FLT3: variants seen among roughly 807,000 people sequenced by gnomAD.
The protein encoded by FLT3 is fms related receptor tyrosine kinase 3, also known as receptor-type tyrosine-protein kinase FLT3.
A neutral mutation model predicts 126.6 loss-of-function variants in FLT3; 46 were observed. That is an observed-to-expected ratio of 0.36 (90% confidence interval 0.29 to 0.46). FLT3 has a LOEUF of 0.46. FLT3 is among the 20% of genes least tolerant of loss of function. The probability of loss-of-function intolerance (pLI) is 1.00; values close to 1 mark genes in which losing one functional copy is unlikely to be tolerated. For missense variants in FLT3, 1,069 were observed against 1,190.3 expected, an observed-to-expected ratio of 0.90 and a Z score of 1.50; for synonymous variants, 404 against 434.4, an observed-to-expected ratio of 0.93 and a Z score of 0.87.
intron 1 of FLT3, among the ~76,000 whole-genome samples, chr13:28,098,289 TG>T (rs1267675717): frequency 2.3e-5 from 3 of 128,814 alleles, no homozygotes; most frequent in African/African-American, 9.3e-5. Context: ...CACTCCAGCC[TG>T]GGTGACAGAG....
At chr13:28,063,707 G>T (rs1876770361) in intron 2 of FLT3, among the ~76,000 whole-genome samples, 2 of 136,526 alleles carry the variant, frequency 1.5e-5, no homozygotes, top group Admixed American at 1.5e-4. Context: ...TATGATAAGT[G>T]CAAGACCATC....
chr13:28,087,145 C>G (rs915836597), intron 1 of FLT3, among the ~76,000 whole-genome samples: 1 of 152,180 alleles, frequency 6.6e-6, no homozygotes, highest in Non-Finnish European at 1.5e-5. Flanking sequence ...TCATAGCTCA[C>G]TACAGCCTTG....
intron 1 of FLT3, among the ~76,000 whole-genome samples, chr13:28,084,832 G>T (rs886191844): frequency 1.3e-5 from 2 of 151,866 alleles, no homozygotes; most frequent in Non-Finnish European, 2.9e-5. Context: ...AAAATTAGCC[G>T]GGCGTGGTGG....
Position 28,052,669 on chromosome 13 carries a change from G to A in FLT3, c.490C>T (p.Leu164=), listed in dbSNP as rs1875627546. ...ILFTVSIRNT[L]LYTLRRPYFR... ...TAAGGTCTTCTTAATGTGTAAAGCA[G>A]GGTATCTAAAGCATCATAAGTTATT... Residue 164 remains leucine (L), a synonymous_variant, in exon 5 of 24, where the codon CTG becomes TTG. Coordinates refer to ENST00000241453, the MANE Select transcript of FLT3 (RefSeq NM_004119.3). 2 of 1,600,898 alleles carry A rather than the reference G, an allele frequency of 1.2e-6. No individual in the cohort carries two copies. Among genetic ancestry groups the A allele is most frequent in the Non-Finnish European group, 1.7e-6 (2 of 1,169,118 alleles).
intron 2 of FLT3, among the ~76,000 whole-genome samples, chr13:28,069,756 T>A (rs1877340945): frequency 6.6e-6 from 1 of 152,150 alleles, no homozygotes; most frequent in Non-Finnish European, 1.5e-5. Context: ...CACATAGTTG[T>A]TTAGGTATTA....
intron 2 of FLT3, among the ~76,000 whole-genome samples, chr13:28,067,212 G>A (rs1004345998): frequency 1.2e-4 from 18 of 152,298 alleles, no homozygotes; most frequent in African/African-American, 2.4e-4. Context: ...TAGCAGAGAC[G>A]GAATTTCTCC....
At chr13:28,028,400 C>G (rs1165853712) in intron 15 of FLT3, 112 bp from the exon 16 acceptor site, 6 of 641,618 alleles carry the variant, frequency 9.4e-6, no homozygotes, top group Admixed American at 2.6e-5. Flanking sequence ...TATTTAAATT[C>G]AAAATTATGA....
At chr13:28,006,025 G>A (rs754250845) in intron 23 of FLT3, among the ~76,000 whole-genome samples, 13 of 152,026 alleles carry the variant, frequency 8.6e-5, no homozygotes, top group Non-Finnish European at 1.3e-4. Flanking sequence ...TTGGGAGGCC[G>A]GGGCGGGAGG....
chr13:28,041,861 G>C (rs920495073), intron 9 of FLT3, among the ~76,000 whole-genome samples: 1 of 152,114 alleles, frequency 6.6e-6, no homozygotes, highest in Non-Finnish European at 1.5e-5. Flanking sequence ...ACTAAGAAAA[G>C]GGGTTTCTTG....
At chr13:28,075,958 G>T (rs1877898996) in intron 1 of FLT3, among the ~76,000 whole-genome samples, 1 of 151,792 alleles carries the variant, frequency 6.6e-6, no homozygotes. Context: ...ACCACACCCG[G>T]CTAATTTTTT....
At chr13:28,047,427 C>T (rs992705425) in intron 9 of FLT3, among the ~76,000 whole-genome samples, 3 of 152,004 alleles carry the variant, frequency 2.0e-5, no homozygotes, top group African/African-American at 4.8e-5. Context: ...GAGAATCTTT[C>T]GGCTGGGTGC....
intron 2 of FLT3, among the ~76,000 whole-genome samples, chr13:28,069,891 A>C (rs1238800539): frequency 6.6e-6 from 1 of 152,166 alleles, no homozygotes; most frequent in East Asian, 1.9e-4. Context: ...AGGTGGTAGG[A>C]TCAGTTGAGC....
intron 8 of FLT3, among the ~76,000 whole-genome samples, chr13:28,048,991 C>G (rs1432311397): frequency 6.6e-6 from 1 of 152,190 alleles, no homozygotes; most frequent in Non-Finnish European, 1.5e-5. Flanking sequence ...TCTCAGTGCT[C>G]ACTGCCCTAA....
intron 22 of FLT3, 86 bp from the exon 23 acceptor site, chr13:28,014,643 A>T: frequency 1.1e-6 from 1 of 893,980 alleles, no homozygotes; most frequent in Non-Finnish European, 1.8e-6. Flanking sequence ...AGCACCATTT[A>T]TTCCTCTGGA....
chr13:28,098,603 G>A (rs1879625222), intron 1 of FLT3, among the ~76,000 whole-genome samples: 3 of 152,128 alleles, frequency 2.0e-5, no homozygotes. Context: ...TATGATCCAG[G>A]AATTCTACTT....
chr13:28,084,292 T>G (rs1878512240), intron 1 of FLT3, among the ~76,000 whole-genome samples: 1 of 152,002 alleles, frequency 6.6e-6, no homozygotes, highest in South Asian at 2.1e-4. Flanking sequence ...TGTACTGGCC[T>G]CTTTCTGTTA....
intron 1 of FLT3, among the ~76,000 whole-genome samples, chr13:28,095,088 G>T (rs1879371202): frequency 6.6e-6 from 1 of 152,112 alleles, no homozygotes; most frequent in South Asian, 2.1e-4. Flanking sequence ...AGATCACAAA[G>T]TCTCCTGATA....
intron 23 of FLT3, among the ~76,000 whole-genome samples, chr13:28,009,769 C>T (rs951316546): frequency 6.6e-6 from 1 of 152,092 alleles, no homozygotes; most frequent in African/African-American, 2.4e-5. Flanking sequence ...ACCATGTTGC[C>T]CAGACTGGCC....
intron 4 of FLT3, among the ~76,000 whole-genome samples, chr13:28,055,853 C>G (rs59083233): frequency 1.3e-5 from 2 of 152,036 alleles, no homozygotes; most frequent in Admixed American, 6.6e-5. Context: ...TTCATCCAAC[C>G]TGGGGCACGT....
Sources: gnomAD v4.1 joint callset for allele counts (sites outside exome capture counted in the v4.1 genomes callset) on GRCh38, gnomAD v4.1.1 for gene constraint, MANE v1.5 for transcripts, NCBI Gene and HGNC (gene_info 2026-07-23, HGNC 2026-07-21) for gene names.